Variants in ZFYVE1 observed in about 807,000 individuals in gnomAD.
The protein encoded by ZFYVE1 is zinc finger FYVE-type containing 1.
A neutral mutation model predicts 74.4 loss-of-function variants in ZFYVE1; 30 were observed. The observed-to-expected ratio is 0.40, with a 90% confidence interval of 0.30 to 0.55. The LOEUF is 0.55. Ranked by LOEUF, ZFYVE1 falls within the 20% of genes least tolerant of loss-of-function variation. The pLI is 0.42. For synonymous variants in ZFYVE1, 335 were observed against 385.1 expected (o/e 0.87, Z 1.52); for missense variants, 703 against 1,011.6 (o/e 0.69, Z 4.14).
At chr14:72,992,314 G>A (rs1893632136) in intron 4 of ZFYVE1, among the ~76,000 whole-genome samples, 1 of 152,120 alleles carries the variant, frequency 6.6e-6, no homozygotes, top group South Asian at 2.1e-4. Context: ...TTGTTGAGAG[G>A]CAGTACAGGC....
intron 8 of ZFYVE1, among the ~76,000 whole-genome samples, chr14:72,977,627 C>A (rs529428807): frequency 6.6e-6 from 1 of 152,056 alleles, no homozygotes; most frequent in African/African-American, 2.4e-5. Context: ...TCTAGAAAAA[C>A]ATACACATAT....
intron 4 of ZFYVE1, among the ~76,000 whole-genome samples, chr14:72,983,236 T>C (rs1455320711): frequency 6.6e-6 from 1 of 151,734 alleles, no homozygotes; most frequent in Non-Finnish European, 1.5e-5. Flanking sequence ...CTAGAGTACA[T>C]GAGCACAACG....
intron 3 of ZFYVE1, among the ~76,000 whole-genome samples, chr14:72,993,726 T>C (rs1190021038): frequency 6.6e-6 from 1 of 150,890 alleles, no homozygotes; most frequent in Non-Finnish European, 1.5e-5. Flanking sequence ...TCTTTCATTA[T>C]AAAAGTAAGA....
intron 8 of ZFYVE1, among the ~76,000 whole-genome samples, chr14:72,976,669 G>GCTA (rs1303216163): frequency 6.6e-6 from 1 of 151,732 alleles, no homozygotes; most frequent in African/African-American, 2.4e-5. Flanking sequence ...TGTAATCCCA[G>GCTA]CTACTCGGGA....
intron 4 of ZFYVE1, among the ~76,000 whole-genome samples, chr14:72,991,444 T>C (rs1009949184): frequency 1.3e-5 from 2 of 152,002 alleles, no homozygotes; most frequent in South Asian, 2.1e-4. Flanking sequence ...CCGCCTCGGC[T>C]TCCCAAAGTG....
Position 72,993,373 on chromosome 14 carries a change from C to T in ZFYVE1, c.989-16G>A. On this transcript the variant is annotated splice_polypyrimidine_tract_variant and intron_variant, in intron 3 of 11. Coordinates refer to ENST00000556143, the MANE Select transcript of ZFYVE1 (RefSeq NM_021260.4). ...GAGGGATGATCTATACAAGCAGAAA[C>T]ACAGGCACATGGGTAGTGAGTGACA... The T allele has an allele frequency of 1.9e-6, 3 of 1,586,244 alleles. No homozygotes were observed. The highest frequency in any genetic ancestry group is 2.6e-6 in the Non-Finnish European group (3 of 1,164,102).
chr14:73,024,151 C>A lies in ZFYVE1; in HGVS notation c.358G>T (p.Val120Leu), dbSNP rs45476195. 6.2e-7 allele frequency: 1 copy of A among 1,614,196 alleles called. No individual in the cohort carries two copies. The highest frequency in any genetic ancestry group is 1.1e-5 in the South Asian group (1 of 91,076). The change falls in exon 2 of 12, where the codon GTG becomes TTG. Residue 120 changes from valine to leucine, a missense_variant. Val to Leu is a conservative substitution (Grantham distance 32, BLOSUM62 1). Transcript: ENST00000556143. ...TCCTGGAGATTACTGACATTGTACA[C>A]AGTAACAGGGTGTCTCCTTTTGTTA... Reference protein sequence around the residue: ...GGNKRRHPVTVYNVSNLQESL... With the variant: ...GGNKRRHPVTLYNVSNLQESL...
chr14:73,017,070 A>G (rs1376242425), intron 2 of ZFYVE1, among the ~76,000 whole-genome samples: 3 of 152,018 alleles, frequency 2.0e-5, no homozygotes, highest in Non-Finnish European at 2.9e-5. Context: ...GGAGGATCAC[A>G]TGAGCCCAGG....
At chr14:72,995,581 G>A (rs1385160699) in intron 3 of ZFYVE1, among the ~76,000 whole-genome samples, 1 of 152,056 alleles carries the variant, frequency 6.6e-6, no homozygotes, top group Non-Finnish European at 1.5e-5. Flanking sequence ...TCCTGAACTG[G>A]CAATTAAACC....
intron 2 of ZFYVE1, among the ~76,000 whole-genome samples, chr14:73,008,379 G>A (rs575406733): frequency 3.3e-5 from 5 of 152,240 alleles, no homozygotes; most frequent in South Asian, 4.2e-4. Flanking sequence ...GGCTGGTCTC[G>A]AACTCCTGAC....
At chr14:73,017,777 G>A (rs1266685090) in intron 2 of ZFYVE1, among the ~76,000 whole-genome samples, 3 of 152,072 alleles carry the variant, frequency 2.0e-5, no homozygotes, top group African/African-American at 7.2e-5. Context: ...CCTCCTAAGT[G>A]GTCTCCCTGC....
intron 2 of ZFYVE1, among the ~76,000 whole-genome samples, chr14:73,014,322 C>A (rs747671172): frequency 1.3e-5 from 2 of 152,168 alleles, no homozygotes; most frequent in Non-Finnish European, 2.9e-5. Flanking sequence ...AAACTGAAGG[C>A]ACATAATAGG....
At chr14:73,000,439 T>TA (rs540164348) in intron 2 of ZFYVE1, among the ~76,000 whole-genome samples, 9 of 151,784 alleles carry the variant, frequency 5.9e-5, no homozygotes, top group East Asian at 1.9e-4. Flanking sequence ...TCTGTCTCTA[T>TA]AAAAAAAATT....
chr14:72,985,332 G>C (rs1490096352), intron 4 of ZFYVE1, among the ~76,000 whole-genome samples: 1 of 150,798 alleles, frequency 6.6e-6, no homozygotes, highest in Non-Finnish European at 1.5e-5. Context: ...ATTTTTGTTT[G>C]TTTGTTTTTG....
At chr14:73,011,891 A>AT (rs1894099222) in intron 2 of ZFYVE1, among the ~76,000 whole-genome samples, 4 of 151,538 alleles carry the variant, frequency 2.6e-5, no homozygotes, top group Admixed American at 2.0e-4. Context: ...TATATATATA[A>AT]AATGCATAAG....
rs1266498361 is a variant in ZFYVE1, at chr14:73,026,926, CACT to C, written c.-438_-436del. 1 of 398,480 alleles carries C rather than the reference CACT, an allele frequency of 2.5e-6. No individual in the cohort carries two copies. The highest frequency in any genetic ancestry group is 2.1e-5 in the African/African-American group (1 of 48,602). The allele number at this position is 398,480 out of a possible 1,614,324, so 24.7% of individuals were successfully genotyped here. A position where few individuals can be genotyped will look rare whatever the true frequency, so the allele number is the denominator to read the frequency against. ...GCCCGCCGCGGCCCGGGGATCCCACCACTGAGAAGCTCGGCCGCAGCAAGGCGG... is the reference window on the plus strand; with the variant it reads ...GCCCGCCGCGGCCCGGGGATCCCACCGAGAAGCTCGGCCGCAGCAAGGCGG... On this transcript the variant is annotated splice_region_variant and 5_prime_UTR_variant, in exon 1 of 12. Transcript: ENST00000556143.
chr14:73,016,223 T>C (rs941984112), intron 2 of ZFYVE1, among the ~76,000 whole-genome samples: 8 of 151,828 alleles, frequency 5.3e-5, no homozygotes, highest in Non-Finnish European at 1.2e-4. Flanking sequence ...CTCTAAATAA[T>C]GGATCTGGGC....
At chr14:73,021,354 A>AAAATAAAT (rs71109783) in intron 2 of ZFYVE1, among the ~76,000 whole-genome samples, 2,840 of 147,584 alleles carry the variant, frequency 0.019, 44 homozygotes, top group East Asian at 0.037. Flanking sequence ...TCTCAAAATA[A>AAAATAAAT]AAATAAATAA....
At chr14:72,993,481 T>TC in intron 3 of ZFYVE1, 124 bp from the exon 4 acceptor site, 1 of 746,902 alleles carries the variant, frequency 1.3e-6, no homozygotes, top group Non-Finnish European at 2.1e-6. Context: ...GGTGGGTGGA[T>TC]CACCCGAGGT....
Sources: allele counts gnomAD v4.1 joint callset (sites outside exome capture counted in the v4.1 genomes callset), GRCh38; gene constraint gnomAD v4.1.1; transcripts MANE v1.5; gene names NCBI Gene and HGNC (gene_info 2026-07-23, HGNC 2026-07-21).